Variants in AIG1 observed in about 807,000 individuals in gnomAD.
The protein encoded by AIG1 is androgen-induced gene 1 protein.
A neutral mutation model predicts 31.4 loss-of-function variants in AIG1; 23 were observed. The observed-to-expected ratio is 0.73, with a 90% CI of 0.53 to 1.04. The LOEUF is 1.04. Ranked by LOEUF, AIG1 falls within the 50% of genes least tolerant of loss-of-function variation. AIG1 has a pLI of 0.00. For synonymous variants in AIG1, 100 were observed against 110.5 expected (o/e 0.90, Z 0.60); for missense variants, 274 against 295.0 (o/e 0.93, Z 0.52).
At chr6:143,282,909 A>G (rs561591485) in intron 3 of AIG1, among the ~76,000 whole-genome samples, 2 of 152,304 alleles carry the variant, frequency 1.3e-5, no homozygotes, top group East Asian at 3.9e-4. Context: ...CATAATATTC[A>G]ATTTCCTGCC....
At chr6:143,247,040 A>G (rs1037700283) in intron 3 of AIG1, among the ~76,000 whole-genome samples, 1 of 152,202 alleles carries the variant, frequency 6.6e-6, no homozygotes. Context: ...TTCTGTCCCC[A>G]TGGAGTTATA....
chr6:143,111,702 C>A (rs1214262017), intron 1 of AIG1, among the ~76,000 whole-genome samples: 3 of 152,212 alleles, frequency 2.0e-5, no homozygotes, highest in Non-Finnish European at 2.9e-5. Flanking sequence ...CATGTCAGAA[C>A]AGGAAACATC....
intron 1 of AIG1, among the ~76,000 whole-genome samples, chr6:143,069,237 G>A (rs745343417): frequency 6.6e-6 from 1 of 152,068 alleles, no homozygotes; most frequent in Non-Finnish European, 1.5e-5. Flanking sequence ...GGTTGGGCTC[G>A]AACTCCTGGG....
chr6:143,164,831 C>G (rs150691541), intron 2 of AIG1: 115 of 349,222 alleles, frequency 3.3e-4, no homozygotes, highest in Middle Eastern at 1.7e-3. Flanking sequence ...GGCCTCTTCT[C>G]TCTCCCTCAG....
At chr6:143,182,172 C>T (rs1289473734) in intron 3 of AIG1, among the ~76,000 whole-genome samples, 1 of 152,108 alleles carries the variant, frequency 6.6e-6, no homozygotes, top group Non-Finnish European at 1.5e-5. Flanking sequence ...ACTACAGGCA[C>T]ACCCCACCAT....
At chr6:143,185,335 T>C (rs1165217291) in intron 3 of AIG1, among the ~76,000 whole-genome samples, 1 of 152,134 alleles carries the variant, frequency 6.6e-6, no homozygotes, top group East Asian at 1.9e-4. Context: ...CATTTATGCC[T>C]CTTCTTAAGG....
At chr6:143,255,783 T>A (rs1448728126) in intron 3 of AIG1, among the ~76,000 whole-genome samples, 1 of 152,228 alleles carries the variant, frequency 6.6e-6, no homozygotes, top group Non-Finnish European at 1.5e-5. Context: ...ATAGGAAATA[T>A]AAATTTATAT....
intron 3 of AIG1, among the ~76,000 whole-genome samples, chr6:143,278,338 G>A (rs911607320): frequency 3.3e-5 from 5 of 152,114 alleles, no homozygotes; most frequent in Admixed American, 6.5e-5. Context: ...TATGTAGCAC[G>A]GGGACGTGAC....
At chr6:143,237,971 C>T (rs1793935935) in intron 3 of AIG1, among the ~76,000 whole-genome samples, 1 of 152,070 alleles carries the variant, frequency 6.6e-6, no homozygotes, top group Admixed American at 6.5e-5. Context: ...GATGGAATCT[C>T]ACTCTGTCAC....
intron 3 of AIG1, among the ~76,000 whole-genome samples, chr6:143,174,453 C>T (rs1202465639): frequency 6.9e-6 from 1 of 143,890 alleles, no homozygotes; most frequent in Non-Finnish European, 1.5e-5. Flanking sequence ...TACCATTGCA[C>T]TCCAGCCTGG....
chr6:143,315,818 G>A (rs541582647), intron 4 of AIG1, among the ~76,000 whole-genome samples: 2 of 152,178 alleles, frequency 1.3e-5, no homozygotes, highest in South Asian at 4.1e-4. Flanking sequence ...TCAGCCATGA[G>A]CAAAGGTTAC....
At chr6:143,320,197 T>C (rs1185807591) in intron 4 of AIG1, among the ~76,000 whole-genome samples, 1 of 152,082 alleles carries the variant, frequency 6.6e-6, no homozygotes, top group African/African-American at 2.4e-5. Context: ...AAAATGGCTA[T>C]TATAAAGAAA....
In AIG1 at chr6:143,333,301, G is replaced by A. The variant is rs1435869670; in HGVS notation, c.535G>A (p.Val179Ile). 3 of 1,612,360 alleles carry A rather than the reference G, an allele frequency of 1.9e-6. No individual in the cohort carries two copies. Among genetic ancestry groups the A allele is most frequent in the Non-Finnish European group, 1.7e-6 (2 of 1,179,378 alleles). The change falls in exon 5 of 6, where the codon GTA (valine) becomes ATA (isoleucine). Residue 179 changes from valine to isoleucine, a missense_variant. By Grantham distance (29) the Val-to-Ile change is conservative. Around this residue, in one of 2 missense-constraint regions of AIG1, gnomAD observed 243 missense variants for 238.5 expected, o/e 1.02. Transcript: ENST00000357847. The surrounding 1 kb of genome is among the most constrained non-coding windows in gnomAD (Gnocchi z 4.6). ...TTGCAGGGTGTGCTGGGTGCATCAT[G>A]TAACTGGCATGTGGGTGTACCCTTT... ...YILWVCWVHH[V>I]TGMWVYPFLE...
intron 1 of AIG1, among the ~76,000 whole-genome samples, chr6:143,072,159 G>A (rs778627726): frequency 6.6e-6 from 1 of 151,970 alleles, no homozygotes; most frequent in African/African-American, 2.4e-5. Flanking sequence ...GTGCTTACTT[G>A]CCATCTGTAT....
chr6:143,158,435 T>G (rs1423901393), intron 2 of AIG1, among the ~76,000 whole-genome samples: 1 of 152,204 alleles, frequency 6.6e-6, no homozygotes. Context: ...GTTTCTTCCA[T>G]CAGTCTCCCC....
chr6:143,059,980 A>C (rs1281755109), upstream of AIG1, among the ~76,000 whole-genome samples: 1 of 152,222 alleles, frequency 6.6e-6, no homozygotes, highest in Non-Finnish European at 1.5e-5. Context: ...GAAAAAAGTA[A>C]GGGCAAAACC....
At chr6:143,165,045 G>A (rs367657248) in intron 2 of AIG1, 37 bp from the exon 3 acceptor site, 11 of 1,453,062 alleles carry the variant, frequency 7.6e-6, no homozygotes, top group African/African-American at 1.4e-5. Context: ...GTGGATAGTC[G>A]ATGAACTTGA....
At chr6:143,213,848 A>C (rs1177360510) in intron 3 of AIG1, among the ~76,000 whole-genome samples, 2 of 152,030 alleles carry the variant, frequency 1.3e-5, no homozygotes, top group Non-Finnish European at 2.9e-5. Flanking sequence ...ACAACAATCT[A>C]TGAGAACAAG....
intron 3 of AIG1, among the ~76,000 whole-genome samples, chr6:143,198,612 T>C (rs957442825): frequency 6.6e-6 from 1 of 152,184 alleles, no homozygotes; most frequent in Non-Finnish European, 1.5e-5. Flanking sequence ...CATGAGGTCA[T>C]CTAGGGCCTG....
Sources: gnomAD v4.1 joint callset for allele counts (sites outside exome capture counted in the v4.1 genomes callset) on GRCh38, gnomAD v4.1.1 for gene constraint, gnomAD v4.1.1 regional missense constraint, Gnocchi (gnomAD v3.1) non-coding constraint, MANE v1.5 for transcripts, NCBI Gene and HGNC (gene_info 2026-07-23, HGNC 2026-07-21) for gene names.